The following GRIP2 variants were observed in gnomAD, a reference collection of about 807,000 sequenced individuals.
GRIP2 encodes the protein glutamate receptor-interacting protein 2.
GRIP2 carries 58 observed loss-of-function variants against 108.3 expected under a neutral mutation model. The ratio of observed to expected loss-of-function variants is 0.54; its 90% CI spans 0.43 to 0.67. The LOEUF (loss-of-function observed/expected upper bound fraction) is 0.67. Ranked by LOEUF, GRIP2 falls within the 30% of genes least tolerant of loss-of-function variation. GRIP2 has a pLI of 0.00. For synonymous variants in GRIP2, 586 were observed against 598.2 expected (o/e 0.98, Z 0.30); for missense variants, 1,278 against 1,430.6 (o/e 0.89, Z 1.72).
Position 14,521,668 on chromosome 3 carries a change from T to C in GRIP2, c.686A>G (p.Gln229Arg). 1 of 1,611,820 alleles carries C rather than the reference T, an allele frequency of 6.2e-7. No individual in the cohort carries two copies. The highest frequency in any genetic ancestry group is 8.5e-7 in the Non-Finnish European group (1 of 1,179,006). ...LRQCSHEALF[Q>R]VEYDVATPDT... ...AGGGGTGGCCACATCATACTCCACC[T>C]GAAAGAGTGCCTCGTGGCTGCACTG... The change falls in exon 7 of 24, where the codon CAG becomes CGG. Residue 229 changes from glutamine (Q) to arginine (R), a missense_variant. By Grantham distance (43) the Gln-to-Arg change is conservative. Coordinates refer to ENST00000621039, the MANE Select transcript of GRIP2 (RefSeq NM_001080423.4). The surrounding 1 kb of genome is among the most constrained non-coding windows in gnomAD (Gnocchi z 5.1).
Position 14,497,532 on chromosome 3 carries a change from C to T in GRIP2, c.2680-972G>A, listed in dbSNP as rs533148356. Among the ~76,000 whole-genome samples the T allele has an allele frequency of 4.6e-5, 7 of 152,244 alleles. No individual in the cohort carries two copies. The East Asian group carries it at 5.8e-4, about 13-fold the overall frequency. On this transcript the variant is annotated intron_variant, in intron 21 of 23. Coordinates refer to ENST00000621039, the MANE Select transcript of GRIP2 (RefSeq NM_001080423.4). ...TGGGGGGATCTGGAAGCAAACTCGG[C>T]GGCTGGTGGTGGCTGGGGGCCAGTC...
chr3:14,511,115 T>C lies in GRIP2; in HGVS notation c.1933+50A>G. The C allele has an allele frequency of 1.2e-6, 2 of 1,601,202 alleles. No individual in the cohort carries two copies. The highest frequency in any genetic ancestry group is 1.7e-6 in the Non-Finnish European group (2 of 1,172,624). ...CCTGAATTGCAAGCTGGGAACCCGC[T>C]AGTCAAAGGGTGGGCCTCTGGAGGT... On this transcript the variant is annotated intron_variant, in intron 16 of 23. Transcript: ENST00000621039. This position sits in a 1 kb window ranked among gnomAD's most constrained non-coding sequence, Gnocchi z 4.1.
chr3:14,584,799 T>C, the GRIP2 span, among the ~76,000 whole-genome samples: 4 of 152,190 alleles, frequency 2.6e-5, no homozygotes, highest in Non-Finnish European at 4.4e-5. Context: ...GAAGCACCCA[T>C]ACATCTCCCC....
chr3:14,565,073 G>C, the GRIP2 span, among the ~76,000 whole-genome samples: 3 of 152,354 alleles, frequency 2.0e-5, no homozygotes, highest in South Asian at 4.1e-4. Context: ...CAGGGGGTCT[G>C]CCCAGCATTT....
Position 14,513,921 on chromosome 3 carries a change from T to C in GRIP2, c.1494-111A>G. 6 of 1,331,724 alleles carry C rather than the reference T, an allele frequency of 4.5e-6. No homozygotes were observed. The South Asian group carries it at 8.6e-5, about 19-fold the overall frequency. 82.5% of individuals were successfully genotyped at this position (1,331,724 alleles called of 1,614,324 possible). A position where few individuals can be genotyped will look rare whatever the true frequency, so the allele number is the denominator to read the frequency against. The stretch of plus-strand genomic sequence containing the variant: ...CTGGGTCACACCTCCTGGTCTGGGG[T>C]GACTCTCAGCTCTGCCCTGGCCCAC... On this transcript the variant is annotated intron_variant, in intron 12 of 23. Coordinates refer to ENST00000621039, the MANE Select transcript of GRIP2 (RefSeq NM_001080423.4).
chr3:14,511,619 G>T lies in GRIP2; in HGVS notation c.1721-140C>A. On this transcript the variant is annotated intron_variant, in intron 14 of 23. Coordinates refer to ENST00000621039, the MANE Select transcript of GRIP2 (RefSeq NM_001080423.4). This position sits in a 1 kb window ranked among gnomAD's most constrained non-coding sequence, Gnocchi z 4.1. Reference sequence around the variant, plus strand: ...CCCACTGCTTCCTGGCTGGGTGACCGTGAGCAAATCAGCTCACCTCCCTGT... The same window carrying T: ...CCCACTGCTTCCTGGCTGGGTGACCTTGAGCAAATCAGCTCACCTCCCTGT... 1.3e-6 allele frequency: 1 copy of T among 786,254 alleles called. No individual in the cohort carries two copies. The highest frequency in any genetic ancestry group is 2.1e-6 in the Non-Finnish European group (1 of 478,486). The allele number at this position is 786,254 out of a possible 1,614,324, so 48.7% of individuals were successfully genotyped here. A position where few individuals can be genotyped will look rare whatever the true frequency, so the allele number is the denominator to read the frequency against.
chr3:14,521,228 G>A lies in GRIP2; in HGVS notation c.712+414C>T, dbSNP rs375800281. ...TCAGGGCCTTTGCACTTACTCTTCC[G>A]CCCTCCTGGAATGCTGTCCCTGGAC... On this transcript the variant is annotated intron_variant, in intron 7 of 23. Transcript: ENST00000621039. This position sits in a 1 kb window ranked among gnomAD's most constrained non-coding sequence, Gnocchi z 5.1. The A allele has an allele frequency of 9.3e-4, 155 of 166,402 alleles. No individual in the cohort carries two copies. Among genetic ancestry groups the A allele is most frequent in the African/African-American group, 3.1e-3 (129 of 41,860 alleles). The allele number at this position is 166,402 out of a possible 1,614,324, so 10.3% of individuals were successfully genotyped here. A position where few individuals can be genotyped will look rare whatever the true frequency, so the allele number is the denominator to read the frequency against.
the GRIP2 span, among the ~76,000 whole-genome samples, chr3:14,584,078 G>A: frequency 6.6e-6 from 1 of 152,208 alleles, no homozygotes; most frequent in African/African-American, 2.4e-5. Flanking sequence ...TATAGACAAA[G>A]ACACTATGGC....
Position 14,509,876 on chromosome 3 carries a change from C to T in GRIP2, c.2022G>A (p.Glu674=). 1 of 1,543,608 alleles carries T rather than the reference C, an allele frequency of 6.5e-7. No homozygotes were observed. The highest frequency in any genetic ancestry group is 8.7e-7 in the Non-Finnish European group (1 of 1,143,294). ...GPLGITISGT[E]EPFDPIVISG... ...AGATGACAATGGGGTCAAAAGGTTC[C>T]TCCGTGCCCGAAATGGTGATGCCCA... is the stretch of plus-strand genomic sequence containing the variant. The change falls in exon 17 of 24, where the codon GAG becomes GAA. Residue 674 remains glutamate, a synonymous_variant. Coordinates refer to ENST00000621039, the MANE Select transcript of GRIP2 (RefSeq NM_001080423.4).
rs1695230795 is a variant in GRIP2, at chr3:14,555,899, C to A, written c.55+1G>T. The A allele has an allele frequency of 2.5e-6, 1 of 399,830 alleles. No individual in the cohort carries two copies. The highest frequency in any genetic ancestry group is 4.4e-6 in the Non-Finnish European group (1 of 227,066). 24.8% of individuals were successfully genotyped at this position (399,830 alleles called of 1,614,324 possible). On this transcript the variant is annotated splice_donor_variant, in intron 1 of 23. Transcript: ENST00000637182. LOFTEE classifies it high-confidence loss of function. ...CGCCCTCCACCCAGACTCACCGGCA[C>A]CTTTGAGACGCCGCCTCACCACGCC...
At chr3:14,577,414 CAGAGAGAGACACATGCAGTGATGG>C in the GRIP2 span, among the ~76,000 whole-genome samples, 24 of 152,300 alleles carry the variant, frequency 1.6e-4, no homozygotes, top group African/African-American at 5.3e-4. Flanking sequence ...AGAGACAAAG[CAGAGAGAGACACATGCAGTGATGG>C]TTTGGCTCCT....
chr3:14,578,729 A>G, the GRIP2 span, among the ~76,000 whole-genome samples: 84 of 152,180 alleles, frequency 5.5e-4, no homozygotes, highest in Non-Finnish European at 1.0e-3. Context: ...AAAAAAAAAA[A>G]AAAGAATTTA....
rs1436345306 is a variant in GRIP2 at position 14,522,396 on chromosome 3, G to C, written c.566+604C>G. On this transcript the variant is annotated intron_variant, in intron 6 of 23. Coordinates refer to ENST00000621039, the MANE Select transcript of GRIP2 (RefSeq NM_001080423.4). The surrounding 1 kb of genome is among the most constrained non-coding windows in gnomAD (Gnocchi z 4.3). ...CAACAGGTGGCCAAAGCTATTCTCG[G>C]GGGTTCTATGAATAGCTCATCACAG... is the stretch of plus-strand genomic sequence containing the variant. 6.5e-6 allele frequency: 1 copy of C among 152,816 alleles called. No homozygotes were observed. The highest frequency in any genetic ancestry group is 2.4e-5 in the African/African-American group (1 of 41,462). 9.5% of individuals were successfully genotyped at this position (152,816 alleles called of 1,614,324 possible). A position where few individuals can be genotyped will look rare whatever the true frequency, so the allele number is the denominator to read the frequency against.
chr3:14,537,488 C>T (rs1694860988), intron 1 of GRIP2, among the ~76,000 whole-genome samples: 1 of 152,286 alleles, frequency 6.6e-6, no homozygotes, highest in South Asian at 2.1e-4. Flanking sequence ...GTGTGCAGCG[C>T]ACACATTGTC....
At chr3:14,548,401 C>T (rs969936071) in intron 1 of GRIP2, among the ~76,000 whole-genome samples, 12 of 152,176 alleles carry the variant, frequency 7.9e-5, no homozygotes, top group African/African-American at 2.7e-4. Flanking sequence ...GTACACAGGC[C>T]AAGCCGTCAG....
At chr3:14,545,958 A>G (rs1409750012), upstream of GRIP2, among the ~76,000 whole-genome samples, 1 of 152,228 alleles carries the variant, frequency 6.6e-6, no homozygotes, top group Non-Finnish European at 1.5e-5. Flanking sequence ...AAAGACAGAC[A>G]GACGGACAGA....
At chr3:14,587,987 T>C in the GRIP2 span, among the ~76,000 whole-genome samples, 3 of 152,232 alleles carry the variant, frequency 2.0e-5, no homozygotes, top group African/African-American at 7.2e-5. Flanking sequence ...TATTTGCATA[T>C]CATGCACATT....
the GRIP2 span, among the ~76,000 whole-genome samples, chr3:14,584,464 G>T: frequency 6.6e-6 from 1 of 152,170 alleles, no homozygotes; most frequent in Non-Finnish European, 1.5e-5. Context: ...GCATATCAGT[G>T]GACCTCTTGG....
intron 1 of GRIP2, among the ~76,000 whole-genome samples, chr3:14,539,185 T>A (rs377432551): frequency 1.2e-4 from 18 of 152,172 alleles, no homozygotes; most frequent in African/African-American, 4.1e-4. Context: ...ATGGAGAGAA[T>A]AACAGTACCC....
Sources: gnomAD v4.1 joint callset for allele counts (sites outside exome capture counted in the v4.1 genomes callset) on GRCh38, gnomAD v4.1.1 for gene constraint, Gnocchi (gnomAD v3.1) non-coding constraint, MANE v1.5 for transcripts, NCBI Gene and HGNC (gene_info 2026-07-23, HGNC 2026-07-21) for gene names.